Variants in SCMH1 observed in about 807,000 individuals in gnomAD.
The protein encoded by SCMH1 is polycomb protein SCMH1.
SCMH1 carries 37 observed loss-of-function variants against 70.8 expected under a neutral mutation model. The observed-to-expected ratio is 0.52, with a 90% CI of 0.40 to 0.69. SCMH1 has a LOEUF of 0.69. Ranked by LOEUF, SCMH1 falls within the 30% of genes least tolerant of loss-of-function variation. The pLI, the probability that SCMH1 is intolerant of heterozygous loss-of-function variation, is 0.00. For missense variants in SCMH1, 607 were observed against 827.3 expected, an observed-to-expected ratio of 0.73 and a Z score of 3.27; for synonymous variants, 292 against 307.4, an observed-to-expected ratio of 0.95 and a Z score of 0.52.
At chr1:41,041,416 TA>T (rs1406161861) in intron 12 of SCMH1, 1 of 151,640 alleles carries the variant, frequency 6.6e-6, no homozygotes, top group Non-Finnish European at 1.5e-5. Context: ...TACAGGTAGC[TA>T]AAAATATTAG....
intron 7 of SCMH1, among the ~76,000 whole-genome samples, chr1:41,114,369 C>T (rs1029381601): frequency 6.6e-6 from 1 of 152,140 alleles, no homozygotes; most frequent in African/African-American, 2.4e-5. Flanking sequence ...ATTCTGTTCC[C>T]TTAATCTTAC....
At chr1:41,086,838 C>A (rs1258428237) in intron 8 of SCMH1, among the ~76,000 whole-genome samples, 1 of 150,110 alleles carries the variant, frequency 6.7e-6, no homozygotes, top group Non-Finnish European at 1.5e-5. Context: ...GAGTTGGAGA[C>A]CAGCCTGAGC....
At chr1:41,192,722 T>A (rs915332242) in intron 1 of SCMH1, among the ~76,000 whole-genome samples, 1 of 152,232 alleles carries the variant, frequency 6.6e-6, no homozygotes, top group African/African-American at 2.4e-5. Context: ...TGACATTTAA[T>A]CTCTTCAGCA....
chr1:41,159,001 T>C (rs997538772), intron 4 of SCMH1, among the ~76,000 whole-genome samples: 13 of 151,942 alleles, frequency 8.6e-5, no homozygotes, highest in Admixed American at 2.0e-4. Flanking sequence ...CGTGAGGAGG[T>C]TCTAAGTCCT....
At chr1:41,084,125 T>G (rs528550152) in intron 8 of SCMH1, among the ~76,000 whole-genome samples, 2 of 152,106 alleles carry the variant, frequency 1.3e-5, no homozygotes, top group East Asian at 3.9e-4. Flanking sequence ...AATTGACAAG[T>G]GGGATCAAAT....
intron 2 of SCMH1, among the ~76,000 whole-genome samples, chr1:41,161,795 GATCAC>G (rs996367969): frequency 6.6e-6 from 1 of 152,172 alleles, no homozygotes; most frequent in Non-Finnish European, 1.5e-5. Context: ...TTCATGGAAT[GATCAC>G]AATTATTTAA....
chr1:41,114,391 G>C (rs1669942955), intron 7 of SCMH1, among the ~76,000 whole-genome samples: 1 of 152,074 alleles, frequency 6.6e-6, no homozygotes, highest in Non-Finnish European at 1.5e-5. Context: ...ATCTGATCCT[G>C]TACCAATAAC....
At chr1:41,092,949 G>T (rs1418191027) in intron 8 of SCMH1, among the ~76,000 whole-genome samples, 1 of 152,208 alleles carries the variant, frequency 6.6e-6, no homozygotes, top group Non-Finnish European at 1.5e-5. Flanking sequence ...TTCAACCATT[G>T]TGGAAGACAG....
intron 1 of SCMH1, among the ~76,000 whole-genome samples, chr1:41,231,744 C>T (rs1012567894): frequency 6.6e-6 from 1 of 152,020 alleles, no homozygotes. Flanking sequence ...TTTTATAGGC[C>T]AGGTGTGGTG....
intron 12 of SCMH1, among the ~76,000 whole-genome samples, chr1:41,039,755 T>C (rs559639388): frequency 2.4e-4 from 37 of 152,152 alleles, no homozygotes; most frequent in African/African-American, 8.2e-4. Flanking sequence ...ATCACAGGTG[T>C]GAGCAACCAC....
At chr1:41,184,472 A>G (rs183878502) in intron 2 of SCMH1, among the ~76,000 whole-genome samples, 6 of 152,312 alleles carry the variant, frequency 3.9e-5, no homozygotes, top group East Asian at 3.9e-4. Context: ...TCATTCAACA[A>G]ATATTTATTA....
At chr1:41,138,558 T>C (rs1474140478) in intron 6 of SCMH1, among the ~76,000 whole-genome samples, 3 of 152,200 alleles carry the variant, frequency 2.0e-5, no homozygotes, top group Non-Finnish European at 4.4e-5. Flanking sequence ...CTTATTACAT[T>C]TTCAGTTGAG....
At chr1:41,030,279 A>G (rs1355250313) in intron 13 of SCMH1, among the ~76,000 whole-genome samples, 1 of 152,118 alleles carries the variant, frequency 6.6e-6, no homozygotes, top group Non-Finnish European at 1.5e-5. Flanking sequence ...TAAAAACTCA[A>G]TGCAGTGGCC....
Position 41,166,629 on chromosome 1 carries a change from T to G in SCMH1, c.14-5197A>C, listed in dbSNP as rs531240150. Among the ~76,000 whole-genome samples, 127 of 150,596 alleles carry G rather than the reference T, an allele frequency of 8.4e-4. 1 individual carries two copies. Among genetic ancestry groups the G allele is most frequent in the African/African-American group, 3.1e-3 (127 of 40,710 alleles). ...GGTATTGTAAATGGGATTGTTTTCT[T>G]AATTTCTTTTTCAGAAAGTTCACTG... is the stretch of plus-strand genomic sequence containing the variant. On this transcript the variant is annotated intron_variant, in intron 2 of 14. Coordinates refer to ENST00000337495, the Ensembl canonical transcript of SCMH1.
chr1:41,079,091 G>T (rs559560255), intron 8 of SCMH1, among the ~76,000 whole-genome samples: 2 of 151,950 alleles, frequency 1.3e-5, no homozygotes, highest in African/African-American at 4.8e-5. Flanking sequence ...ATTTGCATAC[G>T]GCAATTAATT....
At chr1:41,144,375 T>G (rs1312608378) in intron 5 of SCMH1, among the ~76,000 whole-genome samples, 1 of 152,236 alleles carries the variant, frequency 6.6e-6, no homozygotes, top group African/African-American at 2.4e-5. Context: ...AATATGTGAA[T>G]AGTTTCTTTC....
At chr1:41,223,611 C>A (rs12134073) in intron 1 of SCMH1, among the ~76,000 whole-genome samples, 54,104 of 151,504 alleles carry the variant, frequency 0.36, 11,005 homozygotes, top group Admixed American at 0.51. Context: ...CGTAAAAATA[C>A]AACTAGATTT....
chr1:41,196,257 C>G (rs1450793337), intron 1 of SCMH1, among the ~76,000 whole-genome samples: 1 of 151,888 alleles, frequency 6.6e-6, no homozygotes, highest in Non-Finnish European at 1.5e-5. Context: ...CCAAATAGCT[C>G]AAACAATCTT....
At chr1:41,041,820 A>C (rs948343856) in intron 12 of SCMH1, among the ~76,000 whole-genome samples, 12 of 152,216 alleles carry the variant, frequency 7.9e-5, no homozygotes, top group African/African-American at 2.9e-4. Flanking sequence ...GCAATGAACC[A>C]CTTCCTCTAA....
Sources: allele counts gnomAD v4.1 joint callset (sites outside exome capture counted in the v4.1 genomes callset), GRCh38; gene constraint gnomAD v4.1.1; transcripts MANE v1.5; gene names NCBI Gene and HGNC (gene_info 2026-07-23, HGNC 2026-07-21).